The following KDM2B variants were observed in gnomAD, a reference collection of about 807,000 sequenced individuals.
KDM2B encodes the protein lysine demethylase 2B.
A neutral mutation model predicts 150.0 loss-of-function variants in KDM2B; 26 were observed. That is an observed-to-expected ratio of 0.17 (90% CI 0.13 to 0.24). The LOEUF is 0.24. KDM2B is among the 10% of genes least tolerant of loss of function. The probability of loss-of-function intolerance (pLI) is 1.00; values close to 1 mark genes in which losing one functional copy is unlikely to be tolerated. For synonymous variants in KDM2B, 734 were observed against 729.5 expected (o/e 1.01, Z -0.10); for missense variants, 1,265 against 1,816.9 (o/e 0.70, Z 5.52).
intron 8 of KDM2B, among the ~76,000 whole-genome samples, chr12:121,528,710 T>C (rs1477049678): frequency 1.3e-5 from 2 of 152,040 alleles, no homozygotes; most frequent in Non-Finnish European, 2.9e-5. Flanking sequence ...CTGGGCAACA[T>C]GGTGAAACCC....
At chr12:121,465,644 GC>G (rs1879790017) in intron 12 of KDM2B, among the ~76,000 whole-genome samples, 1 of 152,084 alleles carries the variant, frequency 6.6e-6, no homozygotes, top group East Asian at 1.9e-4. Context: ...GTATCTACAG[GC>G]CATAGGGTAT....
At chr12:121,434,500 C>CAAAA (rs1166374523) in intron 22 of KDM2B, among the ~76,000 whole-genome samples, 191 of 61,454 alleles carry the variant, frequency 3.1e-3, no homozygotes, top group Middle Eastern at 0.016. Context: ...GACTCTCTAT[C>CAAAA]AAAAAAAAAA....
intron 8 of KDM2B, chr12:121,524,694 T>C: frequency 2.2e-6 from 1 of 454,598 alleles, no homozygotes; most frequent in South Asian, 1.6e-5. Flanking sequence ...CGATGGCCTC[T>C]CGACAGCCCA....
chr12:121,538,267 C>G (rs918610698), intron 6 of KDM2B, among the ~76,000 whole-genome samples: 17 of 152,158 alleles, frequency 1.1e-4, no homozygotes, highest in Admixed American at 4.6e-4. Context: ...TCCCCACCCC[C>G]CTGAGCCCCG....
At chr12:121,454,593 G>A (rs938025732) in intron 12 of KDM2B, among the ~76,000 whole-genome samples, 1 of 152,160 alleles carries the variant, frequency 6.6e-6, no homozygotes, top group South Asian at 2.1e-4. Flanking sequence ...GGATGGGAGA[G>A]CTTTTCTTGT....
rs71874668 is a variant in KDM2B, at chr12:121,478,866, T to TTGTGTGTGTGTGTGTGTGTGTG, written c.1734+15691_1734+15712dup. Among the ~76,000 whole-genome samples the TTGTGTGTGTGTGTGTGTGTGTG allele has an allele frequency of 2.9e-3, 377 of 131,208 alleles. 3 individuals are homozygous for TTGTGTGTGTGTGTGTGTGTGTG. Among genetic ancestry groups the TTGTGTGTGTGTGTGTGTGTGTG allele is most frequent in the Admixed American group, 7.1e-3 (84 of 11,788 alleles). The allele number at this position is 131,208 out of a possible 152,430, so 86.1% of individuals were successfully genotyped here. On this transcript the variant is annotated intron_variant, in intron 12 of 22. Transcript: ENST00000377071. ...CCACAACCGGCTAATTTTTGTTTGT[T>TTGTGTGTGTGTGTGTGTGTGTG]TGTGTGTGTGTGTGTGTGTGTGTGT...
chr12:121,444,073 T>C lies in KDM2B; in HGVS notation c.2390A>G (p.Asp797Gly), dbSNP rs1875692752. 1 of 1,613,992 alleles carries C rather than the reference T, an allele frequency of 6.2e-7. No individual in the cohort carries two copies. The highest frequency in any genetic ancestry group is 8.5e-7 in the Non-Finnish European group (1 of 1,180,016). The change falls in exon 16 of 23, where the codon GAC becomes GGC. Residue 797 changes from aspartate to glycine, a missense_variant. Coordinates refer to ENST00000377071, the MANE Select transcript of KDM2B (RefSeq NM_032590.5). Reference sequence around the variant, plus strand: ...TTTCCGCTTCTTCCTCAGGTGCACGTCGTCAGACTTTCTGCGCAGAAGGCC... The same window carrying C: ...TTTCCGCTTCTTCCTCAGGTGCACGCCGTCAGACTTTCTGCGCAGAAGGCC... ...PDGLLRRKSD[D>G]VHLRKKRKYE...
intron 12 of KDM2B, among the ~76,000 whole-genome samples, chr12:121,483,678 GA>G (rs1260270166): frequency 1.3e-5 from 2 of 148,438 alleles, no homozygotes; most frequent in African/African-American, 5.0e-5. Flanking sequence ...CCCTATCTCA[GA>G]AAAAAAACAA....
chr12:121,441,344 C>T (rs1278832316), intron 19 of KDM2B, 111 bp from the exon 20 acceptor site: 14 of 1,048,966 alleles, frequency 1.3e-5, no homozygotes, highest in Non-Finnish European at 1.9e-5. Flanking sequence ...CTCCTTAACT[C>T]AGCGCTCTGG....
chr12:121,572,531 GC>G (rs1371559693), intron 4 of KDM2B, among the ~76,000 whole-genome samples: 5 of 152,112 alleles, frequency 3.3e-5, no homozygotes, highest in Admixed American at 1.3e-4. Context: ...CTGTTCAAAT[GC>G]CCCCCTTCAT....
At chr12:121,469,051 C>A (rs1348525708) in intron 12 of KDM2B, 1 of 151,698 alleles carries the variant, frequency 6.6e-6, no homozygotes, top group African/African-American at 2.4e-5. Flanking sequence ...GGCGCTACCA[C>A]GCCCAGCTAA....
intron 7 of KDM2B, among the ~76,000 whole-genome samples, chr12:121,534,281 A>G (rs979116372): frequency 1.5e-4 from 23 of 151,566 alleles, no homozygotes; most frequent in Non-Finnish European, 2.7e-4. Flanking sequence ...CCCAGGAGGC[A>G]GAGCTTGCAG....
At chr12:121,547,106 G>A (rs1370478076) in intron 6 of KDM2B, among the ~76,000 whole-genome samples, 1 of 152,138 alleles carries the variant, frequency 6.6e-6, no homozygotes, top group Admixed American at 6.5e-5. Context: ...CCCAGGACTG[G>A]AGCCACACCT....
intron 21 of KDM2B, 70 bp downstream of exon 21, chr12:121,440,746 G>A: frequency 2.8e-6 from 4 of 1,413,878 alleles, no homozygotes; most frequent in Non-Finnish European, 3.9e-6. Flanking sequence ...GGGGTCTGAG[G>A]GTAAAAGCAG....
chr12:121,554,975 CAGG>C (rs1352770839), intron 4 of KDM2B, among the ~76,000 whole-genome samples: 1 of 152,062 alleles, frequency 6.6e-6, no homozygotes, highest in Non-Finnish European at 1.5e-5. Flanking sequence ...CACTTAAGCC[CAGG>C]AGTTCAAGAC....
At chr12:121,527,196 C>CCCG (rs1452891786) in intron 8 of KDM2B, among the ~76,000 whole-genome samples, 3,428 of 149,756 alleles carry the variant, frequency 0.023, 117 homozygotes, top group African/African-American at 0.079. Flanking sequence ...TACATAGGCA[C>CCCG]CCGCCGCCAC....
intron 10 of KDM2B, among the ~76,000 whole-genome samples, chr12:121,511,131 C>T (rs1885547311): frequency 6.6e-6 from 1 of 151,836 alleles, no homozygotes. Context: ...CTGCCTCAGC[C>T]TCCCGAGTAG....
At chr12:121,531,156 T>C (rs1235763034) in intron 8 of KDM2B, among the ~76,000 whole-genome samples, 1 of 152,140 alleles carries the variant, frequency 6.6e-6, no homozygotes, top group Non-Finnish European at 1.5e-5. Flanking sequence ...CTATAAACGC[T>C]GACCACCAAG....
Position 121,494,582 on chromosome 12 carries a change from T to C in KDM2B, c.1731A>G (p.Pro577=). 1.2e-6 allele frequency: 2 copies of C among 1,612,636 alleles called. No homozygotes were observed. The highest frequency in any genetic ancestry group is 1.7e-6 in the Non-Finnish European group (2 of 1,179,208). ...CTGCAGGCAGGCTGCGTCTTACCTT[T>C]GGAGTCTTCTTTGGCCAAGTCACCA... is the stretch of plus-strand genomic sequence containing the variant. The part of the protein sequence containing the change: ...VPVVTWPKKT[P]KNRAVGRPKG... The change falls in exon 12 of 23, where the codon CCA becomes CCG. Residue 577 remains proline, a synonymous_variant. Transcript: ENST00000377071.
Sources: allele counts gnomAD v4.1 joint callset (sites outside exome capture counted in the v4.1 genomes callset), GRCh38; gene constraint gnomAD v4.1.1; transcripts MANE v1.5; gene names NCBI Gene and HGNC (gene_info 2026-07-23, HGNC 2026-07-21).